NFATC2: variants seen among roughly 807,000 people sequenced by gnomAD.
NFATC2 encodes nuclear factor of activated T-cells, cytoplasmic 2.
NFATC2 carries 22 observed loss-of-function variants against 87.3 expected under a neutral mutation model. The observed-to-expected ratio is 0.25, with a 90% CI of 0.18 to 0.36. The LOEUF (loss-of-function observed/expected upper bound fraction) is 0.36. Among genes scored for constraint, NFATC2 ranks in the 10% least tolerant of loss-of-function variants. NFATC2 has a pLI of 1.00. For missense variants in NFATC2, 1,149 were observed against 1,259.1 expected (o/e 0.91, Z 1.32); for synonymous variants, 565 against 542.2 (o/e 1.04, Z -0.58).
chr20:51,430,560 C>T (rs991188301), intron 9 of NFATC2, among the ~76,000 whole-genome samples: 14 of 152,158 alleles, frequency 9.2e-5, no homozygotes, highest in East Asian at 5.8e-4. Context: ...TTGTAAGGCA[C>T]GTGGGGCAGG....
chr20:51,442,762 T>C (rs113727873), intron 6 of NFATC2, among the ~76,000 whole-genome samples: 19 of 151,898 alleles, frequency 1.3e-4, no homozygotes, highest in African/African-American at 4.1e-4. Context: ...TTGACTTTCC[T>C]GTCTCTTGGG....
At chr20:51,487,020 G>A (rs1401233890) in intron 3 of NFATC2, among the ~76,000 whole-genome samples, 1 of 152,248 alleles carries the variant, frequency 6.6e-6, no homozygotes, top group Non-Finnish European at 1.5e-5. Context: ...AGTGAGGCAT[G>A]CGCAGTGCTC....
At chr20:51,412,041 GC>G (rs1272717663) in intron 9 of NFATC2, among the ~76,000 whole-genome samples, 46 of 152,226 alleles carry the variant, frequency 3.0e-4, no homozygotes, top group Non-Finnish European at 1.8e-4. Context: ...ATAGGAGGGA[GC>G]CCTAACCCCA....
intron 5 of NFATC2, among the ~76,000 whole-genome samples, chr20:51,470,730 T>G (rs925139146): frequency 6.6e-6 from 1 of 152,232 alleles, no homozygotes; most frequent in Non-Finnish European, 1.5e-5. Flanking sequence ...TGTTACGGAC[T>G]AATTGCTAAC....
At chr20:51,421,989 C>T (rs895299404) in intron 9 of NFATC2, among the ~76,000 whole-genome samples, 7 of 152,116 alleles carry the variant, frequency 4.6e-5, no homozygotes, top group East Asian at 3.9e-4. Context: ...GAACCGGCTG[C>T]GGAACATTTC....
At chr20:51,506,700 C>T (rs1198602192) in intron 3 of NFATC2, among the ~76,000 whole-genome samples, 3 of 152,180 alleles carry the variant, frequency 2.0e-5, no homozygotes, top group Non-Finnish European at 2.9e-5. Flanking sequence ...CACGGACACT[C>T]CTATGAACAT....
At chr20:51,533,361 C>T (rs7509123) in intron 1 of NFATC2, among the ~76,000 whole-genome samples, 26,621 of 152,218 alleles carry the variant, frequency 0.17, 2,593 homozygotes, top group Admixed American at 0.31. Flanking sequence ...CTGCTGCCCA[C>T]GCCCCACCCA....
chr20:51,474,215 C>T (rs557230054), intron 4 of NFATC2, 63 bp from the exon 5 acceptor site: 1 of 1,578,568 alleles, frequency 6.3e-7, no homozygotes, highest in Non-Finnish European at 8.6e-7. Flanking sequence ...AGATCACCCC[C>T]AAAGCTGCCA....
In NFATC2 at chr20:51,480,185, G is replaced by A. The variant is rs573166748; in HGVS notation, c.1333-4525C>T. On this transcript the variant is annotated intron_variant, in intron 3 of 10. Coordinates refer to ENST00000371564, the MANE Select transcript of NFATC2 (RefSeq NM_012340.5). This position sits in a 1 kb window ranked among gnomAD's most constrained non-coding sequence, Gnocchi z 4.2. ...TGCCTGTAATCCCAGCTACTCAGGA[G>A]ACCAAGGCAGGAGAATCACTTGAAC... Among the ~76,000 whole-genome samples, 179 of 152,214 alleles carry A rather than the reference G, an allele frequency of 1.2e-3. No homozygotes were observed. The highest frequency in any genetic ancestry group is 4.1e-3 in the African/African-American group (170 of 41,546).
chr20:51,422,116 G>A (rs1470658978), intron 9 of NFATC2, among the ~76,000 whole-genome samples: 1 of 152,186 alleles, frequency 6.6e-6, no homozygotes, highest in Non-Finnish European at 1.5e-5. Flanking sequence ...GAACTAACAG[G>A]CTTCAGATGA....
chr20:51,548,154 C>T (rs902967010), intron 1 of NFATC2, among the ~76,000 whole-genome samples: 9 of 152,152 alleles, frequency 5.9e-5, no homozygotes, highest in African/African-American at 1.9e-4. Context: ...CCACCCTGAT[C>T]GTCCGCCTGT....
chr20:51,473,429 G>A (rs1401151003), intron 5 of NFATC2, among the ~76,000 whole-genome samples: 1 of 152,104 alleles, frequency 6.6e-6, no homozygotes, highest in Non-Finnish European at 1.5e-5. Flanking sequence ...CCACTCTTTG[G>A]TTGTGTGCAC....
At chr20:51,461,013 G>C (rs577498554) in intron 5 of NFATC2, among the ~76,000 whole-genome samples, 1 of 152,356 alleles carries the variant, frequency 6.6e-6, no homozygotes, top group Non-Finnish European at 1.5e-5. Flanking sequence ...CCACACTTAA[G>C]AGGCCACCTG....
chr20:51,398,066 C>G (rs965621245), intron 10 of NFATC2, among the ~76,000 whole-genome samples: 3 of 143,640 alleles, frequency 2.1e-5, no homozygotes, highest in Non-Finnish European at 4.6e-5. Context: ...CTGGGAAACT[C>G]AGTTCCAAGG....
At chr20:51,503,146 A>C (rs2076118474) in intron 3 of NFATC2, among the ~76,000 whole-genome samples, 1 of 152,192 alleles carries the variant, frequency 6.6e-6, no homozygotes, top group African/African-American at 2.4e-5. Flanking sequence ...ACTGGGGCTT[A>C]GGAAGACGAG....
chr20:51,395,394 T>C (rs534833707), intron 10 of NFATC2, among the ~76,000 whole-genome samples: 1 of 152,300 alleles, frequency 6.6e-6, no homozygotes, highest in East Asian at 1.9e-4. Context: ...ATCCTCTGTG[T>C]CATTTGCGTG....
chr20:51,483,991 G>A (rs1211951009), intron 3 of NFATC2, among the ~76,000 whole-genome samples: 1 of 151,550 alleles, frequency 6.6e-6, no homozygotes, highest in African/African-American at 2.4e-5. Flanking sequence ...TGCTAAAATC[G>A]CCCCAACAGC....
chr20:51,552,333 T>C (rs1483729033), intron 1 of NFATC2, among the ~76,000 whole-genome samples: 1 of 151,828 alleles, frequency 6.6e-6, no homozygotes, highest in Non-Finnish European at 1.5e-5. Flanking sequence ...TATATATACA[T>C]ATAGTTCATC....
At chr20:51,467,566 T>TA (rs201622591) in intron 5 of NFATC2, among the ~76,000 whole-genome samples, 3 of 149,392 alleles carry the variant, frequency 2.0e-5, no homozygotes, top group South Asian at 4.3e-4. Flanking sequence ...TCAAAAAAAA[T>TA]AAAAAAATAG....
Sources: gnomAD v4.1 joint callset for allele counts (sites outside exome capture counted in the v4.1 genomes callset) on GRCh38, gnomAD v4.1.1 for gene constraint, Gnocchi (gnomAD v3.1) non-coding constraint, MANE v1.5 for transcripts, NCBI Gene and HGNC (gene_info 2026-07-23, HGNC 2026-07-21) for gene names.